MGAT4C: variants seen among roughly 807,000 people sequenced by gnomAD.
MGAT4C encodes alpha-1,3-mannosyl-glycoprotein 4-beta-N-acetylglucosaminyltransferase C.
A neutral mutation model predicts 40.1 loss-of-function variants in MGAT4C; 19 were observed. The observed-to-expected ratio is 0.47, with a 90% CI of 0.33 to 0.70. The LOEUF (loss-of-function observed/expected upper bound fraction) is 0.70, where lower values mean the gene tolerates loss of function less well. Ranked by LOEUF, MGAT4C falls within the 30% of genes least tolerant of loss-of-function variation. MGAT4C has a pLI of 0.02. For missense variants in MGAT4C, 491 were observed against 563.2 expected, an observed-to-expected ratio of 0.87 and a Z score of 1.30; for synonymous variants, 181 against 187.1, an observed-to-expected ratio of 0.97 and a Z score of 0.27.
At chr12:86,466,161 A>G (rs1291527913) in intron 2 of MGAT4C, among the ~76,000 whole-genome samples, 1 of 151,980 alleles carries the variant, frequency 6.6e-6, no homozygotes, top group Non-Finnish European at 1.5e-5. Flanking sequence ...GTGAGCAGAG[A>G]TAGCGCCATT....
Position 86,489,839 on chromosome 12 carries a change from T to C in MGAT4C, c.-228-54574A>G, listed in dbSNP as rs137922779. On this transcript the variant is annotated intron_variant, in intron 2 of 7. Coordinates refer to the MGAT4C transcript ENST00000548651. Reference sequence around the variant, plus strand: ...AGGGTATCAGTGATGGAAGATGAAATGAATGAAATGAAGCGAGAAGGGAAG... The same window carrying C: ...AGGGTATCAGTGATGGAAGATGAAACGAATGAAATGAAGCGAGAAGGGAAG... Among the ~76,000 whole-genome samples the C allele has an allele frequency of 9.8e-4, 149 of 151,996 alleles. 1 individual carries two copies. In the East Asian group the frequency reaches 0.026, roughly 27 times the overall value.
At chr12:86,012,782 ACCACCACCACCACCACCACCACC>A (rs1888622967) in intron 2 of MGAT4C, among the ~76,000 whole-genome samples, 9 of 136,470 alleles carry the variant, frequency 6.6e-5, no homozygotes, top group East Asian at 2.1e-4. Context: ...AACAACAACC[ACCACCACCACCACCACCACCACC>A]ACCACCACCA....
chr12:86,316,794 T>C (rs1335903002), intron 4 of MGAT4C, among the ~76,000 whole-genome samples: 2 of 152,104 alleles, frequency 1.3e-5, no homozygotes, highest in African/African-American at 4.8e-5. Flanking sequence ...GAATCAATCA[T>C]ACCATAAACC....
At chr12:86,462,190 T>C (rs1957612348) in intron 2 of MGAT4C, among the ~76,000 whole-genome samples, 1 of 152,230 alleles carries the variant, frequency 6.6e-6, no homozygotes, top group African/African-American at 2.4e-5. Context: ...CTTTCTAGAA[T>C]ATATTAAACA....
At chr12:86,834,967 C>T (rs1169513472) in intron 1 of MGAT4C, among the ~76,000 whole-genome samples, 1 of 151,912 alleles carries the variant, frequency 6.6e-6, no homozygotes, top group Non-Finnish European at 1.5e-5. Flanking sequence ...TAGTTGGTGG[C>T]TCCCTTTTGT....
chr12:85,967,003 A>T lies in MGAT4C; in HGVS notation c.*12286T>A, dbSNP rs1426588025. 6.6e-6 allele frequency: 1 copy of T among 152,122 alleles called. No individual in the cohort carries two copies. Among genetic ancestry groups the T allele is most frequent in the East Asian group, 1.9e-4 (1 of 5,188 alleles). The allele number at this position is 152,122 out of a possible 1,614,324, so 9.4% of individuals were successfully genotyped here. A position where few individuals can be genotyped will look rare whatever the true frequency, so the allele number is the denominator to read the frequency against. ...TGGCACAGGTATACATATGTAACAA[A>T]CCTGCAAGTTGTGCACATGTACCCT... is the stretch of plus-strand genomic sequence containing the variant. On this transcript the variant is annotated 3_prime_UTR_variant, in exon 5 of 5. Transcript: ENST00000611864.
chr12:86,246,812 C>T (rs1248629308), intron 1 of MGAT4C, among the ~76,000 whole-genome samples: 4 of 152,190 alleles, frequency 2.6e-5, no homozygotes, highest in Admixed American at 2.0e-4. Flanking sequence ...GTATCAATTT[C>T]CTGCTGGACT....
At chr12:86,608,027 G>T (rs1962105289) in intron 2 of MGAT4C, among the ~76,000 whole-genome samples, 1 of 151,938 alleles carries the variant, frequency 6.6e-6, no homozygotes, top group African/African-American at 2.4e-5. Flanking sequence ...ATTTTAATGT[G>T]CACCCTATAT....
At chr12:86,613,440 G>A (rs1335899316) in intron 2 of MGAT4C, among the ~76,000 whole-genome samples, 1 of 152,126 alleles carries the variant, frequency 6.6e-6, no homozygotes, top group Non-Finnish European at 1.5e-5. Flanking sequence ...GACTTAATTA[G>A]TCAGGAAGAA....
intron 4 of MGAT4C, among the ~76,000 whole-genome samples, chr12:86,312,263 G>A (rs1261073086): frequency 6.6e-6 from 1 of 152,146 alleles, no homozygotes; most frequent in African/African-American, 2.4e-5. Context: ...AAAACCTGAA[G>A]GTGCTTTAAA....
At chr12:86,047,419 A>G (rs564997528) in intron 2 of MGAT4C, among the ~76,000 whole-genome samples, 155 of 152,298 alleles carry the variant, frequency 1.0e-3, no homozygotes, top group Non-Finnish European at 1.8e-3. Flanking sequence ...TTCATTTTGC[A>G]TGAAAGAAAA....
intron 2 of MGAT4C, among the ~76,000 whole-genome samples, chr12:86,453,325 AAG>A (rs1957458041): frequency 6.6e-6 from 1 of 152,172 alleles, no homozygotes; most frequent in Admixed American, 6.6e-5. Flanking sequence ...TAATACCAAG[AAG>A]AGAGTTACAG....
chr12:86,195,998 A>T (rs1949786563), intron 1 of MGAT4C, among the ~76,000 whole-genome samples: 1 of 152,198 alleles, frequency 6.6e-6, no homozygotes, highest in African/African-American at 2.4e-5. Context: ...ATCAGTCTGC[A>T]TATTTATGTA....
At chr12:86,110,385 A>G (rs1179359181) in intron 1 of MGAT4C, among the ~76,000 whole-genome samples, 1 of 119,676 alleles carries the variant, frequency 8.4e-6, no homozygotes, top group African/African-American at 3.0e-5. Flanking sequence ...AAGTGAAATT[A>G]GCAATGACTC....
intron 2 of MGAT4C, among the ~76,000 whole-genome samples, chr12:86,586,813 T>C (rs961307992): frequency 6.6e-6 from 1 of 152,096 alleles, no homozygotes; most frequent in African/African-American, 2.4e-5. Context: ...TTTTTTTTCT[T>C]GTAAATTTGT....
chr12:86,274,821 A>G lies in MGAT4C; in HGVS notation c.-57+59244T>C, dbSNP rs116747408. On this transcript the variant is annotated intron_variant, in intron 4 of 7. Transcript: ENST00000548651. Reference sequence around the variant, plus strand: ...ACTTGCCAGGGCAGAATACAGAAGCAGGCTTGAAAGTCAATTTTTGCCTAA... The same window carrying G: ...ACTTGCCAGGGCAGAATACAGAAGCGGGCTTGAAAGTCAATTTTTGCCTAA... Among the ~76,000 whole-genome samples the G allele has an allele frequency of 7.7e-3, 1,176 of 152,334 alleles. 22 individuals are homozygous for G. The highest frequency in any genetic ancestry group is 0.027 in the African/African-American group (1,127 of 41,570).
intron 4 of MGAT4C, among the ~76,000 whole-genome samples, chr12:86,321,969 A>C (rs1316103733): frequency 6.6e-6 from 1 of 152,116 alleles, no homozygotes; most frequent in African/African-American, 2.4e-5. Flanking sequence ...ACTTGGAACC[A>C]ACCCAAATGT....
At chr12:86,687,373 T>C (rs985259541) in intron 2 of MGAT4C, among the ~76,000 whole-genome samples, 2 of 152,192 alleles carry the variant, frequency 1.3e-5, no homozygotes, top group African/African-American at 4.8e-5. Flanking sequence ...TCTTGTCTTC[T>C]GCTAGCTTTT....
chr12:86,333,264 T>C (rs897986348), intron 4 of MGAT4C, among the ~76,000 whole-genome samples: 1 of 152,184 alleles, frequency 6.6e-6, no homozygotes, highest in Non-Finnish European at 1.5e-5. Context: ...TTGGCCATTA[T>C]TGGGGAAAAA....
Sources: allele counts gnomAD v4.1 joint callset (sites outside exome capture counted in the v4.1 genomes callset), GRCh38; gene constraint gnomAD v4.1.1; transcripts MANE v1.5; gene names NCBI Gene and HGNC (gene_info 2026-07-23, HGNC 2026-07-21).